The following RALGAPA2 variants were observed in gnomAD, a reference collection of about 807,000 sequenced individuals.
The protein encoded by RALGAPA2 is Ral GTPase activating protein catalytic subunit alpha 2.
A neutral mutation model predicts 230.4 loss-of-function variants in RALGAPA2; 139 were observed. That is an observed-to-expected ratio of 0.60 (90% CI 0.53 to 0.69). The LOEUF (loss-of-function observed/expected upper bound fraction) is 0.69, where lower values mean the gene tolerates loss of function less well. Among genes scored for constraint, RALGAPA2 ranks in the 30% least tolerant of loss-of-function variants. RALGAPA2 has a pLI of 0.00. For missense variants in RALGAPA2, 2,163 were observed against 2,276.0 expected (o/e 0.95, Z 1.01); for synonymous variants, 847 against 837.8 (o/e 1.01, Z -0.19).
chr20:20,551,229 C>T (rs188675915), intron 23 of RALGAPA2, among the ~76,000 whole-genome samples: 8 of 152,244 alleles, frequency 5.3e-5, no homozygotes, highest in East Asian at 3.9e-4. Context: ...CTTTTTCACA[C>T]GTTAAATAGA....
intron 37 of RALGAPA2, among the ~76,000 whole-genome samples, chr20:20,431,014 A>G (rs959594990): frequency 6.6e-6 from 1 of 152,128 alleles, no homozygotes; most frequent in Admixed American, 6.5e-5. Context: ...GGTGGTGTGA[A>G]CAAATGTGCA....
intron 36 of RALGAPA2, among the ~76,000 whole-genome samples, chr20:20,480,562 C>A (rs879421385): frequency 7.9e-5 from 12 of 152,110 alleles, no homozygotes; most frequent in Admixed American, 2.6e-4. Context: ...ACAGTGTTCT[C>A]AGTGGGAAGA....
At chr20:20,543,148 G>A (rs1011326228) in intron 24 of RALGAPA2, among the ~76,000 whole-genome samples, 7 of 152,028 alleles carry the variant, frequency 4.6e-5, no homozygotes, top group Non-Finnish European at 7.4e-5. Context: ...AGGTTCAAGC[G>A]ATTCTCCTGC....
chr20:20,701,520 C>T (rs537177188), intron 1 of RALGAPA2, among the ~76,000 whole-genome samples: 5 of 152,176 alleles, frequency 3.3e-5, no homozygotes, highest in Admixed American at 2.0e-4. Flanking sequence ...GGGCAGATCA[C>T]GAGGTCAGGA....
chr20:20,500,137 C>T (rs555860544), intron 35 of RALGAPA2, among the ~76,000 whole-genome samples: 42 of 152,174 alleles, frequency 2.8e-4, no homozygotes, highest in Non-Finnish European at 4.9e-4. Flanking sequence ...CAGGGTTTTG[C>T]CTTGATGTTG....
intron 37 of RALGAPA2, chr20:20,471,733 G>A (rs147696813): frequency 2.0e-5 from 3 of 152,120 alleles, no homozygotes; most frequent in Non-Finnish European, 4.4e-5. Flanking sequence ...CCCCAGGGGA[G>A]GGACCAGATG....
At chr20:20,414,561 ATCATAAGCTTGTTCTTG>A (rs1468771598) in intron 37 of RALGAPA2, among the ~76,000 whole-genome samples, 67 of 152,258 alleles carry the variant, frequency 4.4e-4, no homozygotes, top group African/African-American at 1.5e-3. Flanking sequence ...GGATGGCACT[ATCATAAGCTTGTTCTTG>A]TCATAAGCTT....
rs2069941801 is a variant in RALGAPA2, at chr20:20,712,625, G to GCCGCCT, written c.-151_-146dup. 8.4e-7 allele frequency: 1 copy of GCCGCCT among 1,185,936 alleles called. No homozygotes were observed. Among genetic ancestry groups the GCCGCCT allele is most frequent in the Non-Finnish European group, 1.0e-6 (1 of 953,988 alleles). 73.5% of individuals were successfully genotyped at this position (1,185,936 alleles called of 1,614,324 possible). On this transcript the variant is annotated 5_prime_UTR_variant, in exon 1 of 40. Transcript: ENST00000202677. The surrounding 1 kb of genome is among the most constrained non-coding windows in gnomAD (Gnocchi z 5.5). Reference sequence around the variant, plus strand: ...TGCTGCCGCCGCCGCCGCCGCCGCCGCCGCCTCAGCTGTGTCTCCAGGAAG... The same window carrying GCCGCCT: ...TGCTGCCGCCGCCGCCGCCGCCGCCGCCGCCTCCGCCTCAGCTGTGTCTCCAGGAAG...
intron 3 of RALGAPA2, among the ~76,000 whole-genome samples, chr20:20,666,117 T>C (rs898712963): frequency 6.6e-6 from 1 of 152,320 alleles, no homozygotes; most frequent in East Asian, 1.9e-4. Flanking sequence ...TATAGCCCCA[T>C]GTCATAAATG....
In RALGAPA2 at chr20:20,458,477, A is replaced by T. The variant is rs2061182593; in HGVS notation, c.5495+14352T>A. Among the ~76,000 whole-genome samples the T allele has an allele frequency of 1.5e-5, 2 of 137,406 alleles. 1 individual carries two copies. The highest frequency in any genetic ancestry group is 5.5e-5 in the African/African-American group (2 of 36,530). The allele number at this position is 137,406 out of a possible 152,430, so 90.1% of individuals were successfully genotyped here. The stretch of plus-strand genomic sequence containing the variant: ...ACATATGTATTTTATATAATATATA[A>T]TATATATGTATTTTATATATATTAT... On this transcript the variant is annotated intron_variant, in intron 37 of 39. Coordinates refer to ENST00000202677, the MANE Select transcript of RALGAPA2 (RefSeq NM_020343.4).
intron 38 of RALGAPA2, among the ~76,000 whole-genome samples, chr20:20,401,064 T>C (rs2059823622): frequency 6.6e-6 from 1 of 152,004 alleles, no homozygotes; most frequent in Non-Finnish European, 1.5e-5. Context: ...AGCAGGCTGT[T>C]TAAAAGGGGG....
chr20:20,564,424 T>A (rs978079688), intron 23 of RALGAPA2, among the ~76,000 whole-genome samples: 8 of 152,246 alleles, frequency 5.3e-5, no homozygotes, highest in African/African-American at 1.4e-4. Context: ...AACATGTATA[T>A]CACTACTTAT....
intron 14 of RALGAPA2, 44 bp from the exon 15 acceptor site, chr20:20,605,456 G>C (rs1343883507): frequency 2.2e-6 from 3 of 1,388,834 alleles, no homozygotes; most frequent in Non-Finnish European, 3.0e-6. Flanking sequence ...ATCTTCATTT[G>C]GAAAAAGCAT....
chr20:20,489,651 A>C (rs949275338), intron 36 of RALGAPA2, among the ~76,000 whole-genome samples: 1 of 152,150 alleles, frequency 6.6e-6, no homozygotes, highest in African/African-American at 2.4e-5. Flanking sequence ...TGTAAAGATA[A>C]ATTATCTGAT....
chr20:20,577,305 A>G (rs1488133228), intron 20 of RALGAPA2, among the ~76,000 whole-genome samples: 1 of 152,192 alleles, frequency 6.6e-6, no homozygotes, highest in Non-Finnish European at 1.5e-5. Flanking sequence ...GCTGCTCACT[A>G]TAATAAGCTA....
chr20:20,688,046 C>G (rs2068768697), intron 1 of RALGAPA2, among the ~76,000 whole-genome samples: 1 of 152,072 alleles, frequency 6.6e-6, no homozygotes, highest in East Asian at 1.9e-4. Context: ...CAAAAACCTA[C>G]AAAATAAGAC....
intron 3 of RALGAPA2, among the ~76,000 whole-genome samples, chr20:20,664,352 C>G (rs2146696800): frequency 6.6e-6 from 1 of 152,214 alleles, no homozygotes; most frequent in Admixed American, 6.5e-5. Context: ...ATGCAAAGGT[C>G]TAATCTCTTT....
rs181910905 is a variant in RALGAPA2, at chr20:20,457,285, T to C, written c.5495+15544A>G. 1.6e-3 allele frequency among the ~76,000 whole-genome samples: 250 copies of C among 152,296 alleles called. 1 individual carries two copies. The highest frequency in any genetic ancestry group is 2.3e-3 in the Non-Finnish European group (157 of 68,030). The stretch of plus-strand genomic sequence containing the variant: ...TTACATGAGCCTCCAAACTGAAGTG[T>C]TGAACTTTATTATCCTATAAATCGT... On this transcript the variant is annotated intron_variant, in intron 37 of 39. Coordinates refer to ENST00000202677, the MANE Select transcript of RALGAPA2 (RefSeq NM_020343.4).
intron 20 of RALGAPA2, among the ~76,000 whole-genome samples, chr20:20,579,041 G>T (rs2064904518): frequency 1.3e-5 from 2 of 152,288 alleles, no homozygotes; most frequent in Admixed American, 1.3e-4. Context: ...TGCTGACAAA[G>T]CATTCTTGGA....
Sources: allele counts gnomAD v4.1 joint callset (sites outside exome capture counted in the v4.1 genomes callset), GRCh38; gene constraint gnomAD v4.1.1; non-coding constraint Gnocchi (gnomAD v3.1); transcripts MANE v1.5; gene names NCBI Gene and HGNC (gene_info 2026-07-23, HGNC 2026-07-21).